Variants in PIGN observed in about 807,000 individuals in gnomAD.
PIGN encodes the protein phosphatidylinositol glycan anchor biosynthesis class N.
Under a neutral mutation model 125.4 loss-of-function variants are expected in PIGN, and 117 were observed. That is an observed-to-expected ratio of 0.93 (90% CI 0.80 to 1.09). The LOEUF is 1.09. Ranked by LOEUF, PIGN falls within the 50% of genes least tolerant of loss-of-function variation. The pLI, the probability that PIGN is intolerant of heterozygous loss-of-function variation, is 0.00. For missense variants in PIGN, 1,075 were observed against 1,094.9 expected (o/e 0.98, Z 0.26); for synonymous variants, 392 against 377.8 (o/e 1.04, Z -0.44).
At chr18:62,090,449 A>C in intron 24 of PIGN, 27 bp downstream of exon 24, 1 of 1,401,410 alleles carries the variant, frequency 7.1e-7, no homozygotes, top group Non-Finnish European at 1.0e-6. Context: ...GTCTCAAATA[A>C]AAACAAAAAT....
chr18:62,138,484 A>G (rs1306265768), intron 13 of PIGN, among the ~76,000 whole-genome samples, 186 bp from the exon 14 acceptor site: 2 of 152,242 alleles, frequency 1.3e-5, no homozygotes, highest in Non-Finnish European at 1.5e-5. Context: ...TATCTCAATA[A>G]GCTGAGAATT....
At chr18:62,055,071 C>T (rs1189422573) in intron 30 of PIGN, among the ~76,000 whole-genome samples, 2 of 152,168 alleles carry the variant, frequency 1.3e-5, no homozygotes, top group African/African-American at 2.4e-5. Flanking sequence ...TGCAGAGAAA[C>T]TGGATTGACA....
At chr18:62,035,380 T>C (rs1370169810) in intron 23 of PIGN, among the ~76,000 whole-genome samples, 1 of 152,208 alleles carries the variant, frequency 6.6e-6, no homozygotes, top group Non-Finnish European at 1.5e-5. Context: ...AACCAATGCC[T>C]TGATTATGGC....
intron 14 of PIGN, among the ~76,000 whole-genome samples, chr18:62,121,107 C>T (rs76730686): frequency 0.012 from 1,780 of 152,220 alleles, 28 homozygotes; most frequent in African/African-American, 0.04. Context: ...AGGGTGAGGG[C>T]ATTGGCAAGG....
chr18:62,046,850 C>G (rs1364619678), intron 30 of PIGN, among the ~76,000 whole-genome samples: 6 of 152,114 alleles, frequency 3.9e-5, no homozygotes, highest in Non-Finnish European at 7.3e-5. Context: ...GCTGACTATA[C>G]AACTAAAAAT....
chr18:62,180,686 G>T (rs1455903003), intron 1 of PIGN, among the ~76,000 whole-genome samples: 1 of 152,036 alleles, frequency 6.6e-6, no homozygotes, highest in Non-Finnish European at 1.5e-5. Context: ...TAGGATTAGG[G>T]TTATTGACCT....
At chr18:62,078,982 A>G (rs1480268168) in intron 28 of PIGN, among the ~76,000 whole-genome samples, 1 of 152,170 alleles carries the variant, frequency 6.6e-6, no homozygotes, top group Non-Finnish European at 1.5e-5. Flanking sequence ...ACAACTGAAT[A>G]ATGGTGAAGT....
chr18:62,028,674 G>T (rs959536035), intron 23 of PIGN, among the ~76,000 whole-genome samples: 5 of 152,204 alleles, frequency 3.3e-5, no homozygotes, highest in Non-Finnish European at 7.4e-5. Context: ...TTTTCACGTA[G>T]ATCCAAGTCG....
chr18:62,132,511 T>C (rs2035775243), intron 14 of PIGN, among the ~76,000 whole-genome samples: 1 of 152,176 alleles, frequency 6.6e-6, no homozygotes, highest in Admixed American at 6.6e-5. Context: ...CTGGTTCTGG[T>C]ATATTTTCCA....
chr18:62,139,149 T>A, intron 12 of PIGN, 74 bp from the exon 13 acceptor site: 1 of 809,748 alleles, frequency 1.2e-6, no homozygotes, highest in Non-Finnish European at 2.0e-6. Flanking sequence ...AAAACAGACT[T>A]AAAAGCAATA....
At chr18:62,155,279 G>C (rs114800759) in intron 6 of PIGN, among the ~76,000 whole-genome samples, 1,719 of 152,144 alleles carry the variant, frequency 0.011, 26 homozygotes, top group African/African-American at 0.039. Flanking sequence ...TAATAAGAAA[G>C]AGATATGGCC....
intron 4 of PIGN, chr18:62,158,109 C>A: frequency 4.1e-6 from 1 of 242,934 alleles, no homozygotes; most frequent in Non-Finnish European, 8.2e-6. Flanking sequence ...GGTTTGTTAT[C>A]CAGAGATAAA....
chr18:62,068,660 T>C (rs1253869393), intron 30 of PIGN, among the ~76,000 whole-genome samples: 2 of 152,184 alleles, frequency 1.3e-5, no homozygotes, highest in Non-Finnish European at 2.9e-5. Flanking sequence ...CACTCTGTCA[T>C]ATCTGAGACT....
At chr18:62,072,192 T>A (rs2032918905) in intron 30 of PIGN, 1 of 151,658 alleles carries the variant, frequency 6.6e-6, no homozygotes, top group African/African-American at 2.4e-5. Flanking sequence ...AATAGGGATA[T>A]AAAGAAAGAA....
rs1246401395 is a variant in PIGN, at chr18:62,107,018, G to A, written c.1642C>T (p.Leu548=). Residue 548 remains leucine, a synonymous_variant, in exon 18 of 31, where the codon CTG becomes TTG. Coordinates refer to ENST00000640252, the MANE Select transcript of PIGN (RefSeq NM_176787.5). ...TYPLSHFVGY[L]LAFTLGIEVL... ...TCAATTCCCAGGGTAAAGGCTAACA[G>A]GTACCCAACAAAATGGCTCAGAGGA... 3.1e-6 allele frequency: 5 copies of A among 1,590,674 alleles called. No homozygotes were observed. Among genetic ancestry groups the A allele is most frequent in the South Asian group, 2.3e-5 (2 of 86,730 alleles).
rs2030461140 is a variant in PIGN at position 62,043,542 on chromosome 18, T to C, written c.*2314A>G. 6.6e-6 allele frequency: 1 copy of C among 152,192 alleles called. No individual in the cohort carries two copies. Among genetic ancestry groups the C allele is most frequent in the Non-Finnish European group, 1.5e-5 (1 of 68,032 alleles). 9.4% of individuals were successfully genotyped at this position (152,192 alleles called of 1,614,324 possible). A position where few individuals can be genotyped will look rare whatever the true frequency, so the allele number is the denominator to read the frequency against. ...GAAGAGCTTTTCTAATTCAGCTCTA[T>C]CATTAATAAATAATTATAAAGACAT... is the stretch of plus-strand genomic sequence containing the variant. On this transcript the variant is annotated 3_prime_UTR_variant, in exon 31 of 31. Coordinates refer to ENST00000640252, the MANE Select transcript of PIGN (RefSeq NM_176787.5).
At chr18:62,169,350 G>T (rs1340571084) in intron 1 of PIGN, among the ~76,000 whole-genome samples, 1 of 152,126 alleles carries the variant, frequency 6.6e-6, no homozygotes, top group Non-Finnish European at 1.5e-5. Flanking sequence ...TCACTCTCAT[G>T]TTAACAGACA....
In PIGN at chr18:62,054,049, T is replaced by G. The variant is rs556404457; in HGVS notation, c.2673-8070A>C. Reference sequence around the variant, plus strand: ...AATAAAAAAAACAGATTGAATGTAATGAAAATAAAAAACCAACACATCACA... The same window carrying G: ...AATAAAAAAAACAGATTGAATGTAAGGAAAATAAAAAACCAACACATCACA... On this transcript the variant is annotated intron_variant, in intron 30 of 30. Transcript: ENST00000640252. Among the ~76,000 whole-genome samples the G allele has an allele frequency of 1.3e-3, 198 of 152,060 alleles. 1 individual carries two copies. Among genetic ancestry groups the G allele is most frequent in the Middle Eastern group, 6.8e-3 (2 of 294 alleles).
chr18:62,082,869 T>G (rs1271121079), intron 27 of PIGN, 123 bp from the exon 28 acceptor site: 1 of 586,322 alleles, frequency 1.7e-6, no homozygotes, highest in African/African-American at 1.9e-5. Flanking sequence ...TATATACTAG[T>G]GAAGAGCAAA....
Sources: allele counts gnomAD v4.1 joint callset (sites outside exome capture counted in the v4.1 genomes callset), GRCh38; gene constraint gnomAD v4.1.1; transcripts MANE v1.5; gene names NCBI Gene and HGNC (gene_info 2026-07-23, HGNC 2026-07-21).